The following CD38 variants were observed in gnomAD, a reference collection of about 807,000 sequenced individuals.
The protein encoded by CD38 is ADP-ribosyl cyclase/cyclic ADP-ribose hydrolase 1.
In CD38, 31 loss-of-function variants were observed where a neutral mutation model predicts 36.3. The observed-to-expected ratio is 0.85, with a 90% CI of 0.64 to 1.15. The LOEUF (loss-of-function observed/expected upper bound fraction) is 1.15. Ranked by LOEUF, CD38 falls within the 50% of genes most tolerant of loss-of-function variation. CD38 has a pLI of 0.00. For synonymous variants in CD38, 131 were observed against 135.2 expected (o/e 0.97, Z 0.22); for missense variants, 380 against 371.9 (o/e 1.02, Z -0.18).
chr4:15,844,697 CA>C (rs1724251051), intron 7 of CD38, among the ~76,000 whole-genome samples: 1 of 2,638 alleles, frequency 3.8e-4, no homozygotes, highest in Non-Finnish European at 5.6e-4. Flanking sequence ...AGAGATGAAT[CA>C]AATAGACACA....
intron 1 of CD38, among the ~76,000 whole-genome samples, chr4:15,814,210 T>A (rs1723533499): frequency 6.6e-6 from 1 of 152,216 alleles, no homozygotes; most frequent in Non-Finnish European, 1.5e-5. Context: ...GATGATAAGC[T>A]TTTTTTCATA....
At chr4:15,839,983 G>A (rs375207934) in intron 5 of CD38, 43 bp from the exon 6 acceptor site, 60 of 1,398,418 alleles carry the variant, frequency 4.3e-5, no homozygotes, top group Admixed American at 1.5e-4. Context: ...GGATGCTTTC[G>A]TTTGGGGTTG....
At chr4:15,841,700 T>C (rs1015273538) in intron 7 of CD38, among the ~76,000 whole-genome samples, 2 of 149,130 alleles carry the variant, frequency 1.3e-5, no homozygotes, top group South Asian at 2.1e-4. Flanking sequence ...CCAGTGTGTG[T>C]GCACACCGTG....
intron 4 of CD38, among the ~76,000 whole-genome samples, chr4:15,836,856 T>C (rs1162555989): frequency 6.6e-6 from 1 of 152,220 alleles, no homozygotes; most frequent in African/African-American, 2.4e-5. Flanking sequence ...CTTGGGCAGA[T>C]TCCTTTACTC....
chr4:15,840,197 G>A, intron 6 of CD38, 79 bp downstream of exon 6: 1 of 1,015,378 alleles, frequency 9.8e-7, no homozygotes, highest in East Asian at 2.4e-5. Context: ...AGCACGCACT[G>A]GGAACAAATT....
chr4:15,807,749 T>C (rs916100705), intron 1 of CD38, among the ~76,000 whole-genome samples: 2 of 152,208 alleles, frequency 1.3e-5, no homozygotes, highest in Admixed American at 6.5e-5. Flanking sequence ...TCTATGCAGA[T>C]AGACTGAAAA....
intron 4 of CD38, among the ~76,000 whole-genome samples, chr4:15,835,947 C>A (rs906341378): frequency 6.6e-6 from 1 of 151,832 alleles, no homozygotes; most frequent in African/African-American, 2.4e-5. Flanking sequence ...GACAAGGAAA[C>A]ATTTCTTTTC....
intron 1 of CD38, among the ~76,000 whole-genome samples, chr4:15,798,988 T>A (rs1365601921): frequency 6.6e-6 from 1 of 152,196 alleles, no homozygotes. Context: ...CTCTTGACAC[T>A]ATATTTATCA....
chr4:15,786,202 C>G (rs538957267), intron 1 of CD38, among the ~76,000 whole-genome samples: 59 of 152,064 alleles, frequency 3.9e-4, no homozygotes, highest in Non-Finnish European at 6.9e-4. Context: ...TAGAACGGGA[C>G]GCCAATGGGT....
chr4:15,787,347 T>C lies in CD38; in HGVS notation c.233+8700T>C, dbSNP rs566320139. ...CTCTGGCTATGTAATTTATGGAGCC[T>C]AGTACAGAATGAAAATGTGGGGCTC... On this transcript the variant is annotated intron_variant, in intron 1 of 7. Transcript: ENST00000226279. Among the ~76,000 whole-genome samples, 246 of 152,352 alleles carry C rather than the reference T, an allele frequency of 1.6e-3. 2 individuals are homozygous for C. Among genetic ancestry groups the C allele is most frequent in the Admixed American group, 2.5e-3 (39 of 15,310 alleles).
At chr4:15,797,868 A>T (rs1279452630) in intron 1 of CD38, among the ~76,000 whole-genome samples, 5 of 152,078 alleles carry the variant, frequency 3.3e-5, no homozygotes, top group African/African-American at 1.2e-4. Flanking sequence ...TACCCTAATG[A>T]TCTCATCTTA....
chr4:15,839,960 T>C, intron 5 of CD38, 66 bp from the exon 6 acceptor site: 2 of 1,043,362 alleles, frequency 1.9e-6, no homozygotes, highest in Non-Finnish European at 3.0e-6. Context: ...CTGCTGGTTG[T>C]TGAGGGGGGT....
chr4:15,823,787 G>A (rs140649235), intron 2 of CD38, among the ~76,000 whole-genome samples: 2,932 of 152,150 alleles, frequency 0.019, 88 homozygotes, highest in African/African-American at 0.067. Flanking sequence ...TAGAAATACC[G>A]TTTGACCCAG....
chr4:15,784,265 C>T (rs1018908304), intron 1 of CD38, among the ~76,000 whole-genome samples: 3 of 152,152 alleles, frequency 2.0e-5, no homozygotes, highest in South Asian at 2.1e-4. Context: ...GAGATGCAGA[C>T]GTGCCCCATG....
chr4:15,808,072 C>G (rs1258364614), intron 1 of CD38, among the ~76,000 whole-genome samples: 3 of 152,158 alleles, frequency 2.0e-5, no homozygotes, highest in Non-Finnish European at 4.4e-5. Flanking sequence ...CCTTGCTTTG[C>G]TTGAGACTCT....
rs149509764 is a variant in CD38 at position 15,822,327 on chromosome 4, T to C, written c.364-2554T>C. On this transcript the variant is annotated intron_variant, in intron 2 of 7. Transcript: ENST00000226279. The stretch of plus-strand genomic sequence containing the variant: ...TCACCACTCCTATTCAACATAGTAT[T>C]GGATGTTCTGACCGGGACAATCAGG... Among the ~76,000 whole-genome samples the C allele has an allele frequency of 1.7e-3, 252 of 152,292 alleles. 1 individual carries two copies. Among genetic ancestry groups the C allele is most frequent in the African/African-American group, 5.2e-3 (214 of 41,552 alleles).
intron 1 of CD38, among the ~76,000 whole-genome samples, chr4:15,786,207 A>G (rs1368888229): frequency 6.6e-6 from 1 of 152,142 alleles, no homozygotes; most frequent in Non-Finnish European, 1.5e-5. Flanking sequence ...CGGGACGCCA[A>G]TGGGTTGCCA....
intron 1 of CD38, among the ~76,000 whole-genome samples, chr4:15,784,630 C>G (rs1041793885): frequency 7.2e-5 from 11 of 152,186 alleles, no homozygotes; most frequent in Non-Finnish European, 1.5e-4. Context: ...ACCTGCTCAA[C>G]ATCAGTGTCC....
At chr4:15,790,075 T>G (rs1223702668) in intron 1 of CD38, among the ~76,000 whole-genome samples, 2 of 151,090 alleles carry the variant, frequency 1.3e-5, no homozygotes, top group Non-Finnish European at 2.9e-5. Flanking sequence ...AGGAACAGCA[T>G]GTGCAAAGGC....
Sources: gnomAD v4.1 joint callset for allele counts (sites outside exome capture counted in the v4.1 genomes callset) on GRCh38, gnomAD v4.1.1 for gene constraint, MANE v1.5 for transcripts, NCBI Gene and HGNC (gene_info 2026-07-23, HGNC 2026-07-21) for gene names.